The following PTPRG variants were observed in gnomAD, a reference collection of about 807,000 sequenced individuals.
PTPRG encodes the protein receptor-type tyrosine-protein phosphatase gamma.
A neutral mutation model predicts 165.3 loss-of-function variants in PTPRG; 102 were observed. The observed-to-expected ratio is 0.62, with a 90% confidence interval of 0.53 to 0.73. The LOEUF (loss-of-function observed/expected upper bound fraction) is 0.73. Among genes scored for constraint, PTPRG ranks in the 30% least tolerant of loss-of-function variants. The pLI is 0.00. For synonymous variants in PTPRG, 675 were observed against 669.5 expected (o/e 1.01, Z -0.13); for missense variants, 1,866 against 1,861.4 (o/e 1.00, Z -0.05).
At chr3:61,678,469 C>A (rs1452183822) in intron 1 of PTPRG, among the ~76,000 whole-genome samples, 1 of 152,124 alleles carries the variant, frequency 6.6e-6, no homozygotes, top group Non-Finnish European at 1.5e-5. Flanking sequence ...TTGACGGGAA[C>A]AACCTGATGG....
At chr3:61,740,631 A>G (rs2032939795) in intron 1 of PTPRG, among the ~76,000 whole-genome samples, 1 of 152,052 alleles carries the variant, frequency 6.6e-6, no homozygotes, top group African/African-American at 2.4e-5. Flanking sequence ...TGCCTGGCTT[A>G]TAGCTCATTT....
intron 2 of PTPRG, among the ~76,000 whole-genome samples, chr3:61,879,676 G>T (rs1023763458): frequency 8.5e-5 from 13 of 152,108 alleles, no homozygotes; most frequent in African/African-American, 3.1e-4. Flanking sequence ...GTGAGCAGAG[G>T]TGGTTTTAAT....
intron 2 of PTPRG, among the ~76,000 whole-genome samples, chr3:61,941,292 T>A (rs2039621171): frequency 6.6e-6 from 1 of 152,256 alleles, no homozygotes; most frequent in South Asian, 2.1e-4. Flanking sequence ...TGATTCTCTA[T>A]CAGGGATAAT....
intron 1 of PTPRG, among the ~76,000 whole-genome samples, chr3:61,716,686 C>T (rs948764198): frequency 6.6e-6 from 1 of 152,160 alleles, no homozygotes; most frequent in Non-Finnish European, 1.5e-5. Flanking sequence ...TAAATAAAAA[C>T]TCCCAGCTGG....
At chr3:61,895,801 T>A (rs1421498479) in intron 2 of PTPRG, among the ~76,000 whole-genome samples, 1 of 152,212 alleles carries the variant, frequency 6.6e-6, no homozygotes, top group Non-Finnish European at 1.5e-5. Flanking sequence ...TTGAAAGTGA[T>A]ACCATTTATA....
At chr3:61,742,790 A>ATTTCTTGGCCAG (rs1559586353) in intron 1 of PTPRG, 1 of 1,610,462 alleles carries the variant, frequency 6.2e-7, no homozygotes, top group Non-Finnish European at 8.5e-7. Context: ...AACGCATCAT[A>ATTTCTTGGCCAG]CTTCTTGGCC....
intron 3 of PTPRG, among the ~76,000 whole-genome samples, chr3:61,992,676 C>T (rs2040926856): frequency 2.0e-5 from 3 of 152,186 alleles, no homozygotes; most frequent in Non-Finnish European, 4.4e-5. Context: ...TGCGCGCCAC[C>T]ACCCCTGGCT....
rs769127105 is a variant in PTPRG, at chr3:62,203,794, G to A, written c.1999G>A (p.Asp667Asn). 15 of 1,613,440 alleles carry A rather than the reference G, an allele frequency of 9.3e-6. No homozygotes were observed. Among genetic ancestry groups the A allele is most frequent in the Non-Finnish European group, 1.3e-5 (15 of 1,179,748 alleles). ...AAGGAGGGATGCCGGCCCAGGCCTG[G>A]ACCCCGACATGGTCACCTCCACCCA... ...GGRRDAGPGLDPDMVTSTQVP... is the reference protein window; with the variant it reads ...GGRRDAGPGLNPDMVTSTQVP... Residue 667 changes from aspartate (D) to asparagine (N), a missense_variant, in exon 12 of 30, where the codon GAC (aspartate) becomes AAC (asparagine). Coordinates refer to ENST00000474889, the MANE Select transcript of PTPRG (RefSeq NM_002841.4). The surrounding 1 kb of genome is among the most constrained non-coding windows in gnomAD (Gnocchi z 6.4).
At chr3:61,944,613 T>C (rs1242096829) in intron 2 of PTPRG, among the ~76,000 whole-genome samples, 1 of 152,176 alleles carries the variant, frequency 6.6e-6, no homozygotes, top group Non-Finnish European at 1.5e-5. Flanking sequence ...TGTTTGTGAG[T>C]TCGAGATCGT....
rs114372494 is a variant in PTPRG at position 61,890,819 on chromosome 3, A to G, written c.191-98806A>G. On this transcript the variant is annotated intron_variant, in intron 2 of 29. Coordinates refer to ENST00000474889, the MANE Select transcript of PTPRG (RefSeq NM_002841.4). ...TGCCATTCAGCTTTTGAAAGGAGAC[A>G]TTGCTTATGTAAGTGTGAGAGAATG... 1.5e-3 allele frequency among the ~76,000 whole-genome samples: 235 copies of G among 152,310 alleles called. 2 individuals carry two copies. The highest frequency in any genetic ancestry group is 5.2e-3 in the African/African-American group (218 of 41,568).
intron 2 of PTPRG, among the ~76,000 whole-genome samples, chr3:61,780,094 C>T (rs994121005): frequency 1.3e-5 from 2 of 152,062 alleles, no homozygotes; most frequent in African/African-American, 2.4e-5. Context: ...AGTTAATGGC[C>T]AAAAAGCTTC....
chr3:61,945,933 C>G (rs569795290), intron 2 of PTPRG, among the ~76,000 whole-genome samples: 57 of 152,180 alleles, frequency 3.7e-4, no homozygotes, highest in African/African-American at 1.4e-3. Flanking sequence ...GCTATATGCT[C>G]ATTAAACATC....
chr3:61,967,650 T>A (rs766359737), intron 2 of PTPRG, among the ~76,000 whole-genome samples: 2 of 152,152 alleles, frequency 1.3e-5, no homozygotes, highest in Non-Finnish European at 2.9e-5. Flanking sequence ...TAGAAATGAG[T>A]GACATTCTTC....
At chr3:61,795,835 A>G (rs1718702) in intron 2 of PTPRG, among the ~76,000 whole-genome samples, 103,155 of 151,486 alleles carry the variant, frequency 0.68, 36,278 homozygotes, top group African/African-American at 0.86. Flanking sequence ...CCCCCATTAC[A>G]AAGTGGCCTT....
In PTPRG at chr3:61,735,174, G is replaced by A. The variant is rs544197191; in HGVS notation, c.86-13704G>A. 6.7e-4 allele frequency among the ~76,000 whole-genome samples: 102 copies of A among 152,150 alleles called. 1 individual carries two copies. The highest frequency in any genetic ancestry group is 1.1e-3 in the Non-Finnish European group (78 of 68,016). ...GCTATTTAAACAGACCTAGAGATAA[G>A]TGCTTTAGCCATCTTGATGTGCTCT... On this transcript the variant is annotated intron_variant, in intron 1 of 29. Transcript: ENST00000474889.
At chr3:62,260,729 T>C (rs1559719288) in intron 16 of PTPRG, 1 of 152,148 alleles carries the variant, frequency 6.6e-6, no homozygotes, top group Non-Finnish European at 1.5e-5. Context: ...GCAGTTCTGA[T>C]AGAGAAAAGC....
chr3:61,757,752 T>G (rs578073822), intron 2 of PTPRG, among the ~76,000 whole-genome samples: 3 of 152,338 alleles, frequency 2.0e-5, no homozygotes, highest in Admixed American at 2.0e-4. Context: ...TATAAATATT[T>G]TTTTCATATC....
intron 28 of PTPRG, among the ~76,000 whole-genome samples, chr3:62,289,797 T>G (rs1476799088): frequency 6.6e-6 from 1 of 150,842 alleles, no homozygotes; most frequent in African/African-American, 2.4e-5. Context: ...AACATTTAAA[T>G]TTAATATTAA....
intron 2 of PTPRG, among the ~76,000 whole-genome samples, chr3:61,971,639 CAA>C (rs752942084): frequency 6.6e-6 from 1 of 152,310 alleles, no homozygotes; most frequent in East Asian, 1.9e-4. Flanking sequence ...CATTTTATAA[CAA>C]GAGAGGAGAT....
Sources: allele counts gnomAD v4.1 joint callset (sites outside exome capture counted in the v4.1 genomes callset), GRCh38; gene constraint gnomAD v4.1.1; non-coding constraint Gnocchi (gnomAD v3.1); transcripts MANE v1.5; gene names NCBI Gene and HGNC (gene_info 2026-07-23, HGNC 2026-07-21).